The following AKAP12 variants were observed in gnomAD, a reference collection of about 807,000 sequenced individuals.
The protein encoded by AKAP12 is A-kinase anchor protein 12.
A neutral mutation model predicts 79.9 loss-of-function variants in AKAP12; 32 were observed. The observed-to-expected ratio is 0.40, with a 90% CI of 0.30 to 0.54. The LOEUF (loss-of-function observed/expected upper bound fraction) is 0.54. AKAP12 is among the 20% of genes least tolerant of loss of function. The pLI, the probability that AKAP12 is intolerant of heterozygous loss-of-function variation, is 0.48. For synonymous variants in AKAP12, 808 were observed against 857.0 expected (o/e 0.94, Z 1.00); for missense variants, 2,074 against 2,177.0 (o/e 0.95, Z 0.94).
intron 3 of AKAP12, among the ~76,000 whole-genome samples, chr6:151,320,670 C>A (rs1259998201): frequency 5.3e-5 from 8 of 152,150 alleles, no homozygotes; most frequent in Admixed American, 5.2e-4. Flanking sequence ...GGACTCCTCC[C>A]TCACCTTCGT....
At chr6:151,288,352 GAAA>G (rs1279466746) in intron 2 of AKAP12, among the ~76,000 whole-genome samples, 5 of 151,778 alleles carry the variant, frequency 3.3e-5, no homozygotes, top group Non-Finnish European at 5.9e-5. Flanking sequence ...CTGACTCTAC[GAAA>G]AATACAAAAA....
chr6:151,313,737 A>G (rs545669709), intron 3 of AKAP12, among the ~76,000 whole-genome samples: 4 of 152,276 alleles, frequency 2.6e-5, no homozygotes, highest in African/African-American at 7.2e-5. Flanking sequence ...TCGTAAATCA[A>G]CTAATTCTAG....
chr6:151,321,916 T>TG (rs1777401126), intron 3 of AKAP12, among the ~76,000 whole-genome samples: 1 of 110,462 alleles, frequency 9.1e-6, no homozygotes, highest in Non-Finnish European at 2.0e-5. Flanking sequence ...TTTTTTTTTT[T>TG]TTTTTTTTTT....
intron 3 of AKAP12, chr6:151,324,183 G>A (rs1166038558): frequency 4.1e-6 from 4 of 985,308 alleles, no homozygotes; most frequent in African/African-American, 3.5e-5. Flanking sequence ...GAGAAAAAAG[G>A]TTGGGAAGCA....
rs367724826 is a variant in AKAP12, at chr6:151,351,869, C to G, written c.3478C>G (p.Pro1160Ala). 1 of 1,613,908 alleles carries G rather than the reference C, an allele frequency of 6.2e-7. No individual in the cohort carries two copies. Among genetic ancestry groups the G allele is most frequent in the African/African-American group, 1.3e-5 (1 of 74,868 alleles). ...GATGGTGATGGAACAGGCTATCCCCCCTGACTCGGTGGAAACCCCTACAGA... is the reference window on the plus strand; with the variant it reads ...GATGGTGATGGAACAGGCTATCCCCGCTGACTCGGTGGAAACCCCTACAGA... ...QEMVMEQAIP[P>A]DSVETPTDSE... is the part of the protein sequence containing the mutation. The change falls in exon 4 of 5, where the codon CCT becomes GCT. Residue 1160 changes from proline (P) to alanine (A), a missense_variant. Around this residue, in one of 3 missense-constraint regions of AKAP12, gnomAD observed 1,428 missense variants for 1,451.0 expected, o/e 0.98. Coordinates refer to ENST00000402676, the MANE Select transcript of AKAP12 (RefSeq NM_005100.4). The surrounding 1 kb of genome is among the most constrained non-coding windows in gnomAD (Gnocchi z 4.4).
chr6:151,338,651 A>G (rs1415841779), intron 3 of AKAP12, among the ~76,000 whole-genome samples: 3 of 152,112 alleles, frequency 2.0e-5, no homozygotes, highest in African/African-American at 7.2e-5. Flanking sequence ...GGGTTTCACC[A>G]TATTGGCCAG....
chr6:151,302,250 T>G (rs183422359), intron 2 of AKAP12, among the ~76,000 whole-genome samples: 1 of 152,232 alleles, frequency 6.6e-6, no homozygotes, highest in East Asian at 1.9e-4. Flanking sequence ...GCCCTCATGA[T>G]CTGCCTGCCT....
intron 3 of AKAP12, among the ~76,000 whole-genome samples, chr6:151,316,938 A>G (rs986619234): frequency 6.6e-6 from 1 of 152,182 alleles, no homozygotes; most frequent in Non-Finnish European, 1.5e-5. Flanking sequence ...ACACCCGGCC[A>G]GGACTCCTGT....
At chr6:151,319,026 A>C (rs1777299836) in intron 3 of AKAP12, among the ~76,000 whole-genome samples, 1 of 152,306 alleles carries the variant, frequency 6.6e-6, no homozygotes, top group Non-Finnish European at 1.5e-5. Flanking sequence ...TATTTCATAG[A>C]GTTGCCTAGG....
intron 2 of AKAP12, among the ~76,000 whole-genome samples, chr6:151,279,288 C>G (rs1446276635): frequency 6.6e-6 from 1 of 152,104 alleles, no homozygotes; most frequent in African/African-American, 2.4e-5. Context: ...AGGAATTTCT[C>G]TGGCATGGTT....
chr6:151,243,654 T>C (rs1005121199), intron 2 of AKAP12, among the ~76,000 whole-genome samples: 1 of 152,184 alleles, frequency 6.6e-6, no homozygotes, highest in African/African-American at 2.4e-5. Flanking sequence ...GATCCAGAGA[T>C]AGACTGGAAA....
At chr6:151,294,403 T>G (rs1776682659) in intron 2 of AKAP12, among the ~76,000 whole-genome samples, 1 of 152,242 alleles carries the variant, frequency 6.6e-6, no homozygotes, top group Non-Finnish European at 1.5e-5. Context: ...GGATGCCCCA[T>G]GTCCTGTAAT....
chr6:151,337,007 C>G (rs1777831002), intron 3 of AKAP12, among the ~76,000 whole-genome samples: 1 of 152,002 alleles, frequency 6.6e-6, no homozygotes, highest in Admixed American at 6.6e-5. Flanking sequence ...TTTTTTCTCT[C>G]TTTGGTGGGG....
intron 2 of AKAP12, among the ~76,000 whole-genome samples, chr6:151,256,952 A>ATATATATG (rs993762614): frequency 6.6e-6 from 1 of 151,000 alleles, no homozygotes; most frequent in African/African-American, 2.4e-5. Context: ...CCCGGCCTAT[A>ATATATATG]TATATATATA....
At chr6:151,252,023 T>C (rs957210403) in intron 2 of AKAP12, among the ~76,000 whole-genome samples, 30 of 151,660 alleles carry the variant, frequency 2.0e-4, no homozygotes, top group Non-Finnish European at 3.2e-4. Flanking sequence ...AATAAATAAA[T>C]AGAAGTAAAG....
At chr6:151,305,970 A>C in intron 3 of AKAP12, 67 bp downstream of exon 3, 4 of 1,457,066 alleles carry the variant, frequency 2.7e-6, no homozygotes, top group Non-Finnish European at 3.7e-6. Context: ...TCAGCAGAAA[A>C]TACTCTGTCA....
At chr6:151,331,847 C>T (rs1350384448) in intron 3 of AKAP12, among the ~76,000 whole-genome samples, 2 of 148,072 alleles carry the variant, frequency 1.4e-5, no homozygotes, top group Admixed American at 6.8e-5. Flanking sequence ...ATTGCACCAA[C>T]GCACTCCAGC....
intron 3 of AKAP12, among the ~76,000 whole-genome samples, chr6:151,326,304 A>C (rs1777524460): frequency 6.6e-6 from 1 of 152,106 alleles, no homozygotes; most frequent in South Asian, 2.1e-4. Context: ...GACAGAATAC[A>C]TTCCTCTTCT....
chr6:151,296,469 A>G (rs1423057557), intron 2 of AKAP12, among the ~76,000 whole-genome samples: 1 of 152,184 alleles, frequency 6.6e-6, no homozygotes, highest in African/African-American at 2.4e-5. Flanking sequence ...CTTACTATAT[A>G]TCTTGAGATA....
Sources: gnomAD v4.1 joint callset for allele counts (sites outside exome capture counted in the v4.1 genomes callset) on GRCh38, gnomAD v4.1.1 for gene constraint, gnomAD v4.1.1 regional missense constraint, Gnocchi (gnomAD v3.1) non-coding constraint, MANE v1.5 for transcripts, NCBI Gene and HGNC (gene_info 2026-07-23, HGNC 2026-07-21) for gene names.